Variants in SPATA6L observed in about 807,000 individuals in gnomAD.
SPATA6L encodes the protein spermatogenesis associated 6-like protein.
SPATA6L carries 68 observed loss-of-function variants against 49.2 expected under a neutral mutation model. The ratio of observed to expected loss-of-function variants is 1.38; its 90% CI spans 1.14 to 1.69. The LOEUF (loss-of-function observed/expected upper bound fraction) is 1.69, where lower values mean the gene tolerates loss of function less well. Among genes scored for constraint, SPATA6L ranks in the 40% most tolerant of loss-of-function variants. SPATA6L has a pLI of 0.00. For missense variants in SPATA6L, 668 were observed against 464.3 expected, an observed-to-expected ratio of 1.44 and a Z score of -4.03; for synonymous variants, 198 against 165.7, an observed-to-expected ratio of 1.19 and a Z score of -1.50.
chr9:4,654,729 C>T (rs922526085), intron 3 of SPATA6L, among the ~76,000 whole-genome samples: 1 of 152,146 alleles, frequency 6.6e-6, no homozygotes, highest in African/African-American at 2.4e-5. Flanking sequence ...GGCCAAACTC[C>T]GTGTCGTTCT....
intron 1 of SPATA6L, chr9:4,663,110 C>G (rs758148955): frequency 6.2e-7 from 1 of 1,614,122 alleles, no homozygotes; most frequent in African/African-American, 1.3e-5. Context: ...GGGCCTTCGT[C>G]TTGGGCCTAT....
chr9:4,651,991 T>C (rs898052664), intron 3 of SPATA6L, among the ~76,000 whole-genome samples: 1 of 152,134 alleles, frequency 6.6e-6, no homozygotes, highest in African/African-American at 2.4e-5. Context: ...GCACAAACTA[T>C]AAAAGAAGAA....
intron 4 of SPATA6L, among the ~76,000 whole-genome samples, chr9:4,630,627 C>T (rs1831322030): frequency 6.6e-6 from 1 of 152,202 alleles, no homozygotes; most frequent in Admixed American, 6.5e-5. Flanking sequence ...GTAGTCTCTC[C>T]CTCCAGTCTC....
rs188791520 is a variant in SPATA6L at position 4,634,999 on chromosome 9, C to T, written c.351+276G>A. On this transcript the variant is annotated intron_variant, in intron 4 of 11. Transcript: ENST00000682582. ...AATAGCTATAACTAAACAAACAAATCTTACTGTTAATCTGCAACAAAAGGA... is the reference window on the plus strand; with the variant it reads ...AATAGCTATAACTAAACAAACAAATTTTACTGTTAATCTGCAACAAAAGGA... Among the ~76,000 whole-genome samples, 4 of 152,294 alleles carry T rather than the reference C, an allele frequency of 2.6e-5. No homozygotes were observed. In the East Asian group the frequency reaches 7.7e-4, roughly 29 times the overall value.
chr9:4,644,683 T>TCACACA (rs1219248281), intron 3 of SPATA6L, among the ~76,000 whole-genome samples: 33 of 136,432 alleles, frequency 2.4e-4, no homozygotes, highest in African/African-American at 7.4e-4. Context: ...TCTCTCTCTC[T>TCACACA]CTCACACACA....
chr9:4,601,467 C>A (rs1823253982), intron 11 of SPATA6L, among the ~76,000 whole-genome samples: 1 of 151,838 alleles, frequency 6.6e-6, no homozygotes, highest in Admixed American at 6.6e-5. Context: ...CCAAAAGTAC[C>A]AAGTCCCAAA....
rs1206516328 is a variant in SPATA6L at position 4,606,862 on chromosome 9, T to G, written c.996-1422A>C. Among the ~76,000 whole-genome samples the G allele has an allele frequency of 3.7e-3, 543 of 145,832 alleles. 4 individuals are homozygous for G. The highest frequency in any genetic ancestry group is 0.014 in the African/African-American group (511 of 36,938). Reference sequence around the variant, plus strand: ...AATTACTCTGAGCTACGGGAGGACATTCAAACCAAAGGCAAAGAAGCTGAA... The same window carrying G: ...AATTACTCTGAGCTACGGGAGGACAGTCAAACCAAAGGCAAAGAAGCTGAA... On this transcript the variant is annotated intron_variant, in intron 9 of 11. Coordinates refer to ENST00000682582, the MANE Select transcript of SPATA6L (RefSeq NM_001353486.2).
chr9:4,634,501 G>A (rs947945652), intron 4 of SPATA6L, among the ~76,000 whole-genome samples: 8 of 152,154 alleles, frequency 5.3e-5, no homozygotes, highest in Non-Finnish European at 1.0e-4. Context: ...CAGAGGTCCT[G>A]ACTGTTATAT....
intron 7 of SPATA6L, among the ~76,000 whole-genome samples, chr9:4,619,181 G>A (rs1200016606): frequency 3.4e-5 from 4 of 117,730 alleles, no homozygotes; most frequent in African/African-American, 1.4e-4. Context: ...TTTTTGAGAT[G>A]GAGTCTCACA....
At chr9:4,619,014 A>T (rs1354595874) in intron 7 of SPATA6L, 116 bp from the exon 8 acceptor site, 2 of 894,986 alleles carry the variant, frequency 2.2e-6, no homozygotes, top group Non-Finnish European at 3.5e-6. Flanking sequence ...TTAATTATTT[A>T]AAAACTTAAA....
intron 13 of SPATA6L, among the ~76,000 whole-genome samples, chr9:4,592,339 G>A (rs994573932): frequency 2.0e-5 from 3 of 149,084 alleles, no homozygotes; most frequent in African/African-American, 2.5e-5. Context: ...AAAAATCACA[G>A]AGGAAGAACA....
At chr9:4,608,026 T>C (rs202035564) in intron 9 of SPATA6L, among the ~76,000 whole-genome samples, 10,027 of 144,678 alleles carry the variant, frequency 0.069, 340 homozygotes, top group East Asian at 0.24. Context: ...TTTAAACCAA[T>C]AAAGATCAAA....
chr9:4,606,855 G>A (rs1486177827), intron 9 of SPATA6L, among the ~76,000 whole-genome samples: 1 of 146,616 alleles, frequency 6.8e-6, no homozygotes, highest in South Asian at 2.1e-4. Context: ...TGAGCTACGG[G>A]AGGACATTCA....
intron 9 of SPATA6L, among the ~76,000 whole-genome samples, chr9:4,612,114 A>G (rs187762727): frequency 3.9e-5 from 6 of 152,084 alleles, no homozygotes; most frequent in Admixed American, 3.9e-4. Flanking sequence ...AGCTGGGACT[A>G]CAGGTATGCA....
In SPATA6L at chr9:4,666,188, AG is replaced by A. The variant is rs777900785; in HGVS notation, c.39+23del. ...TTTAGAGTCCGACTTGAGGTTAAGGAGGGGGAGTTCATCGATCTCTTACCGC... is the reference window on the plus strand; with the variant it reads ...TTTAGAGTCCGACTTGAGGTTAAGGAGGGGAGTTCATCGATCTCTTACCGC... On this transcript the variant is annotated intron_variant, in intron 1 of 11. Transcript: ENST00000682582. 15 of 1,613,332 alleles carry A rather than the reference AG, an allele frequency of 9.3e-6. No individual in the cohort carries two copies. In the South Asian group the frequency reaches 1.6e-4, roughly 18 times the overall value.
At chr9:4,604,081 T>C (rs1824075262) in intron 11 of SPATA6L, 98 bp downstream of exon 11, 1 of 768,670 alleles carries the variant, frequency 1.3e-6, no homozygotes, top group South Asian at 1.8e-5. Flanking sequence ...TCCTCCACAC[T>C]TTCTAGTTAC....
chr9:4,604,904 C>T (rs1167745906), intron 10 of SPATA6L, among the ~76,000 whole-genome samples: 1 of 152,192 alleles, frequency 6.6e-6, no homozygotes, highest in Non-Finnish European at 1.5e-5. Context: ...GTCATACAGC[C>T]AAAACCACCT....
chr9:4,630,322 C>T (rs1831267094), intron 4 of SPATA6L, among the ~76,000 whole-genome samples: 1 of 152,084 alleles, frequency 6.6e-6, no homozygotes, highest in African/African-American at 2.4e-5. Flanking sequence ...CAACTGCTTT[C>T]CCCAAAAAAC....
chr9:4,590,398 C>A (rs530784839), intron 13 of SPATA6L, among the ~76,000 whole-genome samples: 1 of 152,196 alleles, frequency 6.6e-6, no homozygotes, highest in Admixed American at 6.5e-5. Flanking sequence ...TGTCCCATTT[C>A]TTCCCTTACT....
Sources: allele counts gnomAD v4.1 joint callset (sites outside exome capture counted in the v4.1 genomes callset), GRCh38; gene constraint gnomAD v4.1.1; transcripts MANE v1.5; gene names NCBI Gene and HGNC (gene_info 2026-07-23, HGNC 2026-07-21).